WWOX: variants seen among roughly 807,000 people sequenced by gnomAD.
WWOX encodes WW domain containing oxidoreductase.
A neutral mutation model predicts 46.2 loss-of-function variants in WWOX; 69 were observed. The ratio of observed to expected loss-of-function variants is 1.49; its 90% CI spans 1.23 to 1.82. The LOEUF (loss-of-function observed/expected upper bound fraction) is 1.82. Among genes scored for constraint, WWOX ranks in the 40% most tolerant of loss-of-function variants. The pLI is 0.00. For missense variants in WWOX, 919 were observed against 542.6 expected, an observed-to-expected ratio of 1.69 and a Z score of -6.89; for synonymous variants, 359 against 202.6, an observed-to-expected ratio of 1.77 and a Z score of -6.56.
chr16:78,252,946 A>G (rs2038023958), intron 5 of WWOX, among the ~76,000 whole-genome samples: 1 of 152,208 alleles, frequency 6.6e-6, no homozygotes, highest in East Asian at 1.9e-4. Flanking sequence ...AACATTCATT[A>G]TTGATTATTC....
chr16:78,704,920 G>GC (rs2048299898), intron 8 of WWOX, among the ~76,000 whole-genome samples: 1 of 144,354 alleles, frequency 6.9e-6, no homozygotes, highest in East Asian at 2.0e-4. Context: ...AATACAACTT[G>GC]TTTTTTTTTT....
At chr16:79,189,066 G>T in intron 8 of WWOX, among the ~76,000 whole-genome samples, 1 of 152,146 alleles carries the variant, frequency 6.6e-6, no homozygotes, top group Middle Eastern at 3.2e-3. Flanking sequence ...AAAAAATACA[G>T]ATACGTGTAT....
At chr16:78,562,992 T>A (rs1387440309) in intron 8 of WWOX, among the ~76,000 whole-genome samples, 1 of 152,190 alleles carries the variant, frequency 6.6e-6, no homozygotes, top group Admixed American at 6.5e-5. Flanking sequence ...TGTTCTTTTT[T>A]TTTTTTAATC....
At chr16:78,536,199 T>C (rs1301776296) in intron 8 of WWOX, among the ~76,000 whole-genome samples, 1 of 152,110 alleles carries the variant, frequency 6.6e-6, no homozygotes, top group Non-Finnish European at 1.5e-5. Context: ...ATGGGTGTAA[T>C]TTGGTGCCAT....
At chr16:78,707,199 C>G (rs968912577) in intron 8 of WWOX, among the ~76,000 whole-genome samples, 1 of 152,144 alleles carries the variant, frequency 6.6e-6, no homozygotes, top group Non-Finnish European at 1.5e-5. Flanking sequence ...TTTACCACCC[C>G]TTACTCCCAT....
At position 78,915,953 on chromosome 16, in the gene WWOX, G is replaced by A. The variant is rs77596112; in HGVS notation, c.1057-295655G>A. Reference sequence around the variant, plus strand: ...ACACCCCAAGCTCAATCAATGCCCAGAAATGAAGGCCAATAGATGATAGTG... The same window carrying A: ...ACACCCCAAGCTCAATCAATGCCCAAAAATGAAGGCCAATAGATGATAGTG... On this transcript the variant is annotated intron_variant, in intron 8 of 8. Coordinates refer to ENST00000566780, the MANE Select transcript of WWOX (RefSeq NM_016373.4). 1.2e-4 allele frequency among the ~76,000 whole-genome samples: 19 copies of A among 152,272 alleles called. No homozygotes were observed. In the East Asian group the frequency reaches 3.7e-3, roughly 29 times the overall value.
intron 8 of WWOX, among the ~76,000 whole-genome samples, chr16:78,620,143 T>A (rs1231190506): frequency 6.6e-6 from 1 of 152,166 alleles, no homozygotes. Context: ...TAGTAGCTAA[T>A]GGTGAGTAGG....
intron 5 of WWOX, among the ~76,000 whole-genome samples, chr16:78,301,402 C>A (rs1165420610): frequency 6.6e-6 from 1 of 152,028 alleles, no homozygotes; most frequent in Non-Finnish European, 1.5e-5. Flanking sequence ...TTATCGGCTA[C>A]CAAGGTTTTC....
At position 78,313,703 on chromosome 16, in the gene WWOX, TCTC is replaced by T. The variant is rs554322704; in HGVS notation, c.517-73156_517-73154del. 3.9e-4 allele frequency among the ~76,000 whole-genome samples: 60 copies of T among 152,306 alleles called. 1 individual carries two copies. The highest frequency in any genetic ancestry group is 7.5e-4 in the Non-Finnish European group (51 of 68,024). The stretch of plus-strand genomic sequence containing the variant: ...TACGTACCGTGATTGCTTGCTTTCT[TCTC>T]TGTCGATGTCCCTGCCATCTAAATG... On this transcript the variant is annotated intron_variant, in intron 5 of 8. Transcript: ENST00000566780.
intron 8 of WWOX, among the ~76,000 whole-genome samples, chr16:78,940,760 G>T (rs1022256990): frequency 3.4e-5 from 5 of 147,458 alleles, no homozygotes; most frequent in Non-Finnish European, 7.4e-5. Context: ...TATTCATGAC[G>T]TCAAGTCCCT....
chr16:78,339,747 T>G (rs9940910), intron 5 of WWOX, among the ~76,000 whole-genome samples: 35,020 of 116,472 alleles, frequency 0.3, 11,975 homozygotes, highest in African/African-American at 0.45. Flanking sequence ...AATTCTATTT[T>G]GTGGCTTTCT....
At chr16:78,965,601 T>C (rs999841010) in intron 8 of WWOX, among the ~76,000 whole-genome samples, 1 of 151,890 alleles carries the variant, frequency 6.6e-6, no homozygotes, top group Non-Finnish European at 1.5e-5. Flanking sequence ...CTTATTCAGA[T>C]ACACAGTCTA....
At chr16:78,391,411 AC>A (rs2082172297) in intron 6 of WWOX, among the ~76,000 whole-genome samples, 1 of 152,194 alleles carries the variant, frequency 6.6e-6, no homozygotes, top group Non-Finnish European at 1.5e-5. Flanking sequence ...AGAGCCTAAG[AC>A]ACTTTCTCAA....
At chr16:79,157,593 A>G (rs1052007102) in intron 8 of WWOX, among the ~76,000 whole-genome samples, 1 of 152,212 alleles carries the variant, frequency 6.6e-6, no homozygotes, top group Non-Finnish European at 1.5e-5. Context: ...GAAACTGGCT[A>G]TCTGGAGATG....
intron 8 of WWOX, among the ~76,000 whole-genome samples, chr16:78,562,534 C>G (rs1487192733): frequency 6.6e-6 from 1 of 152,184 alleles, no homozygotes; most frequent in African/African-American, 2.4e-5. Context: ...AGCTTGAGGA[C>G]TCCATAAATG....
At chr16:78,150,303 C>T (rs9924381) in intron 4 of WWOX, among the ~76,000 whole-genome samples, 68,158 of 151,990 alleles carry the variant, frequency 0.45, 15,666 homozygotes, top group African/African-American at 0.5. Context: ...TACCCCCTCC[C>T]GGCATGCCCC....
At chr16:78,529,140 A>G (rs1208800535) in intron 8 of WWOX, among the ~76,000 whole-genome samples, 3 of 151,520 alleles carry the variant, frequency 2.0e-5, no homozygotes, top group Non-Finnish European at 2.9e-5. Context: ...TTTTTTGTAG[A>G]TACAGGGTCT....
At chr16:78,841,189 G>A (rs2052137890) in intron 8 of WWOX, among the ~76,000 whole-genome samples, 1 of 152,180 alleles carries the variant, frequency 6.6e-6, no homozygotes, top group African/African-American at 2.4e-5. Context: ...AAATGCAGGG[G>A]CCTTCTAAAT....
Position 78,644,819 on chromosome 16 carries a change from T to G in WWOX, c.1056+212067T>G, listed in dbSNP as rs571820986. On this transcript the variant is annotated intron_variant, in intron 8 of 8. Coordinates refer to ENST00000566780, the MANE Select transcript of WWOX (RefSeq NM_016373.4). The stretch of plus-strand genomic sequence containing the variant: ...ATTTCGTGACTATTATGAGTCAGGC[T>G]TAAGAATACACTAGTAGGTACAGCA... 3.9e-5 allele frequency among the ~76,000 whole-genome samples: 6 copies of G among 152,308 alleles called. No individual in the cohort carries two copies. The South Asian group carries it at 1.2e-3, about 32-fold the overall frequency.
Sources: gnomAD v4.1 joint callset for allele counts (sites outside exome capture counted in the v4.1 genomes callset) on GRCh38, gnomAD v4.1.1 for gene constraint, MANE v1.5 for transcripts, NCBI Gene and HGNC (gene_info 2026-07-23, HGNC 2026-07-21) for gene names.